SHANK1: variants seen among roughly 807,000 people sequenced by gnomAD.
SHANK1 encodes SH3 and multiple ankyrin repeat domains 1.
In SHANK1, 35 loss-of-function variants were observed where a neutral mutation model predicts 165.6. The observed-to-expected ratio is 0.21, with a 90% CI of 0.16 to 0.28. The LOEUF is 0.28. Among genes scored for constraint, SHANK1 ranks in the 10% least tolerant of loss-of-function variants. SHANK1 has a pLI of 1.00. For missense variants in SHANK1, 2,681 were observed against 3,036.4 expected (o/e 0.88, Z 2.75); for synonymous variants, 1,428 against 1,384.8 (o/e 1.03, Z -0.69).
chr19:50,686,262 C>T lies in SHANK1; in HGVS notation c.2552G>A (p.Arg851Gln), dbSNP rs757198942. The T allele has an allele frequency of 2.5e-6, 4 of 1,603,884 alleles. No individual in the cohort carries two copies. The highest frequency in any genetic ancestry group is 2.3e-5 in the East Asian group (1 of 44,248). Residue 851 changes from arginine (R) to glutamine (Q), a missense_variant, in exon 21 of 24, where the codon CGA becomes CAA. By Grantham distance (43) the Arg-to-Gln change is conservative (BLOSUM62 1). This residue lies in a region of SHANK1 where 206 missense variants were observed against 216.0 expected (regional missense o/e 0.95). Coordinates refer to ENST00000293441, the MANE Select transcript of SHANK1 (RefSeq NM_016148.5). The surrounding 1 kb of genome is among the most constrained non-coding windows in gnomAD (Gnocchi z 5.7). The part of the protein sequence containing the change: ...PGGLASLGKH[R>Q]PKGFFATESS... Reference sequence around the variant, plus strand: ...CTCAGTGGCAAAGAAACCTTTGGGTCGGTGTTTGCCCAGGGACGCGAGGCC... The same window carrying T: ...CTCAGTGGCAAAGAAACCTTTGGGTTGGTGTTTGCCCAGGGACGCGAGGCC...
In SHANK1 at chr19:50,669,300, A is replaced by T; in HGVS notation, c.2675-15T>A. 6.3e-7 allele frequency: 1 copy of T among 1,579,740 alleles called. No individual in the cohort carries two copies. The highest frequency in any genetic ancestry group is 8.7e-7 in the Non-Finnish European group (1 of 1,155,180). ...TTCTGCCGCACCTGGGGAGATACAG[A>T]GGCTCAAGGAGGGGGACCCTGGCGG... On this transcript the variant is annotated splice_polypyrimidine_tract_variant and intron_variant, in intron 22 of 23. Coordinates refer to ENST00000293441, the MANE Select transcript of SHANK1 (RefSeq NM_016148.5).
At position 50,688,098 on chromosome 19, in the gene SHANK1, G is replaced by A. The variant is rs548208477; in HGVS notation, c.2173-40C>T. 11 of 1,610,922 alleles carry A rather than the reference G, an allele frequency of 6.8e-6. No homozygotes were observed. In the African/African-American group the frequency reaches 8.0e-5, roughly 12 times the overall value. On this transcript the variant is annotated intron_variant, in intron 17 of 23. Coordinates refer to ENST00000293441, the MANE Select transcript of SHANK1 (RefSeq NM_016148.5). This position sits in a 1 kb window ranked among gnomAD's most constrained non-coding sequence, Gnocchi z 6.7. ...CCCCCAGATCACACAGAGTAGACGA[G>A]GGGAGGGGTGCTTGCAGCTTCAGAG...
intron 7 of SHANK1, 139 bp from the exon 8 acceptor site, chr19:50,711,626 C>T (rs941696428): frequency 1.0e-5 from 7 of 699,060 alleles, no homozygotes; most frequent in African/African-American, 7.1e-5. Flanking sequence ...CTTTTAGCCC[C>T]GCTTCCTGCT....
At chr19:50,684,480 C>T (rs1035835964) in intron 21 of SHANK1, among the ~76,000 whole-genome samples, 2 of 152,190 alleles carry the variant, frequency 1.3e-5, no homozygotes, top group African/African-American at 4.8e-5. Context: ...CCCACTTCAG[C>T]CTCCCAAAGT....
Position 50,702,657 on chromosome 19 carries a change from G to T in SHANK1, c.1557C>A (p.Ser519=). The T allele has an allele frequency of 6.4e-7, 1 of 1,565,558 alleles. No individual in the cohort carries two copies. Among genetic ancestry groups the T allele is most frequent in the Non-Finnish European group, 8.6e-7 (1 of 1,157,204 alleles). ...CTGGCCCTTCCCGGGGTGTCCCGCT[G>T]GAGCTGCGTACACAGAGGGCATGAG... ...AKRQPRGRPS[S]SGTPREGPAG... The change falls in exon 12 of 24, where the codon TCC becomes TCA. Residue 519 remains serine (S), a synonymous_variant. Transcript: ENST00000293441. The surrounding 1 kb of genome is among the most constrained non-coding windows in gnomAD (Gnocchi z 5.3).
chr19:50,686,727 G>T lies in SHANK1; in HGVS notation c.2458+17C>A. On this transcript the variant is annotated intron_variant, in intron 20 of 23. Transcript: ENST00000293441. The surrounding 1 kb of genome is among the most constrained non-coding windows in gnomAD (Gnocchi z 5.7). ...CTGGGGCCCGGCATCCCGAGGAGCAGGGCTGGGCCGTCTTACTGAGAGCCA... is the reference window on the plus strand; with the variant it reads ...CTGGGGCCCGGCATCCCGAGGAGCATGGCTGGGCCGTCTTACTGAGAGCCA... The T allele has an allele frequency of 6.2e-7, 1 of 1,612,824 alleles. No homozygotes were observed. Among genetic ancestry groups the T allele is most frequent in the Non-Finnish European group, 8.5e-7 (1 of 1,179,130 alleles).
chr19:50,672,144 G>A (rs1169180541), intron 21 of SHANK1, 30 bp from the exon 22 acceptor site: 3 of 1,556,478 alleles, frequency 1.9e-6, no homozygotes, highest in Non-Finnish European at 2.6e-6. Flanking sequence ...GGGGGAGAGA[G>A]AGAAAAGATA....
chr19:50,692,933 C>A (rs1338594187), intron 15 of SHANK1, among the ~76,000 whole-genome samples: 1 of 149,962 alleles, frequency 6.7e-6, no homozygotes, highest in Non-Finnish European at 1.5e-5. Flanking sequence ...CCTCTGTGAC[C>A]TCCTCACCCT....
chr19:50,669,384 G>A (rs1985708487), intron 22 of SHANK1, 99 bp from the exon 23 acceptor site: 4 of 794,944 alleles, frequency 5.0e-6, no homozygotes, highest in South Asian at 3.3e-5. Context: ...GACAAGAATG[G>A]CACCCCGTAT....
rs1209973916 is a variant in SHANK1, at chr19:50,686,912, G to A, written c.2390-100C>T. ...GGCCAGCAGGTGCGGGCCAGTGGGCGTGGCGGGCGCGAGAGGGGCAGTGAG... is the reference window on the plus strand; with the variant it reads ...GGCCAGCAGGTGCGGGCCAGTGGGCATGGCGGGCGCGAGAGGGGCAGTGAG... On this transcript the variant is annotated intron_variant, in intron 19 of 23. Transcript: ENST00000293441. The surrounding 1 kb of genome is among the most constrained non-coding windows in gnomAD (Gnocchi z 5.7). The A allele has an allele frequency of 6.9e-7, 1 of 1,453,140 alleles. No homozygotes were observed. The highest frequency in any genetic ancestry group is 9.3e-7 in the Non-Finnish European group (1 of 1,078,678). 90.0% of individuals were successfully genotyped at this position (1,453,140 alleles called of 1,614,324 possible).
intron 1 of SHANK1, among the ~76,000 whole-genome samples, chr19:50,719,015 A>G (rs2089101708): frequency 7.7e-6 from 1 of 129,696 alleles, no homozygotes; most frequent in South Asian, 2.5e-4. Context: ...GCTGGAGGGG[A>G]GTGGGGACCA....
intron 18 of SHANK1, 39 bp from the exon 19 acceptor site, chr19:50,687,701 G>A (rs756881744): frequency 6.9e-7 from 1 of 1,441,394 alleles, no homozygotes; most frequent in Non-Finnish European, 9.2e-7. Context: ...TATCATGGGG[G>A]AGATGCCCCC....
At position 50,667,385 on chromosome 19, in the gene SHANK1, C is replaced by G. The variant is rs1251288041; in HGVS notation, c.4575G>C (p.Arg1525=). Residue 1525 remains arginine, a synonymous_variant, in exon 23 of 24, where the codon CGG becomes CGC. Transcript: ENST00000293441. The surrounding 1 kb of genome is among the most constrained non-coding windows in gnomAD (Gnocchi z 5.7). ...GGGAGGTCGGGGAGGGGGGCACGGA[C>G]CGGCGTGGGCTGGGCGGCGGGACCC... The part of the protein sequence containing the change: ...GPGVPPPSPR[R]SVPPSPTSPR... 4.6e-6 allele frequency: 7 copies of G among 1,525,594 alleles called. No homozygotes were observed. The East Asian group carries it at 1.6e-4, about 35-fold the overall frequency. The allele number at this position is 1,525,594 out of a possible 1,614,324, so 94.5% of individuals were successfully genotyped here. A position where few individuals can be genotyped will look rare whatever the true frequency, so the allele number is the denominator to read the frequency against.
At position 50,713,716 on chromosome 19, in the gene SHANK1, C is replaced by G; in HGVS notation, c.792+82G>C. 1 of 1,562,230 alleles carries G rather than the reference C, an allele frequency of 6.4e-7. No individual in the cohort carries two copies. The highest frequency in any genetic ancestry group is 8.7e-7 in the Non-Finnish European group (1 of 1,148,424). ...GAGAGGGCCTATTTTTAACTGAAAC[C>G]AAAGAACTGAGGTTTGAGAAAGAAC... On this transcript the variant is annotated intron_variant, in intron 6 of 23. Coordinates refer to ENST00000293441, the MANE Select transcript of SHANK1 (RefSeq NM_016148.5). The surrounding 1 kb of genome is among the most constrained non-coding windows in gnomAD (Gnocchi z 6.2).
rs1348338568 is a variant in SHANK1 at position 50,661,029 on chromosome 19, C to T, written c.*936G>A. Reference sequence around the variant, plus strand: ...TTTTTAAGAATAAGAAGGGAAAGTGCTTCAACGTAAGAAAATGGAGGTAAG... The same window carrying T: ...TTTTTAAGAATAAGAAGGGAAAGTGTTTCAACGTAAGAAAATGGAGGTAAG... On this transcript the variant is annotated 3_prime_UTR_variant, in exon 24 of 24. Coordinates refer to ENST00000293441, the MANE Select transcript of SHANK1 (RefSeq NM_016148.5). Among the ~76,000 whole-genome samples, 2 of 151,770 alleles carry T rather than the reference C, an allele frequency of 1.3e-5. No homozygotes were observed. The highest frequency in any genetic ancestry group is 2.4e-5 in the African/African-American group (1 of 41,280).
intron 23 of SHANK1, among the ~76,000 whole-genome samples, chr19:50,663,902 A>G (rs1196157318): frequency 6.9e-6 from 1 of 145,522 alleles, no homozygotes; most frequent in Non-Finnish European, 1.5e-5. Context: ...CTCTAATAAT[A>G]TACACTTCCT....
In SHANK1 at chr19:50,687,528, C is replaced by T; in HGVS notation, c.2389+54G>A. The T allele has an allele frequency of 2.9e-6, 4 of 1,393,656 alleles. 1 individual carries two copies. The highest frequency in any genetic ancestry group is 1.8e-4 in the Middle Eastern group (1 of 5,572). The allele number at this position is 1,393,656 out of a possible 1,614,324, so 86.3% of individuals were successfully genotyped here. A position where few individuals can be genotyped will look rare whatever the true frequency, so the allele number is the denominator to read the frequency against. On this transcript the variant is annotated intron_variant, in intron 19 of 23. Coordinates refer to ENST00000293441, the MANE Select transcript of SHANK1 (RefSeq NM_016148.5). ...CTAACGAACTCAAGGGATGGTCCAG[C>T]CCTCCTTCCCCTCTCCCCCCGGCCC...
At chr19:50,711,800 C>T in intron 7 of SHANK1, 147 bp downstream of exon 7, 2 of 971,480 alleles carry the variant, frequency 2.1e-6, no homozygotes, top group African/African-American at 1.6e-5. Context: ...TCTGCCTTCA[C>T]CCCCACCATT....
Position 50,668,958 on chromosome 19 carries a change from G to C in SHANK1, c.3002C>G (p.Pro1001Arg). Residue 1001 changes from proline (P) to arginine (R), a missense_variant, in exon 23 of 24, where the codon CCC becomes CGC. Transcript: ENST00000293441. Reference sequence around the variant, plus strand: ...CGGGGCGTGGTGGTGGTGGTGGTGGGGCGGGTGGTGGTGGGCCGGGGGCAG... The same window carrying C: ...CGGGGCGTGGTGGTGGTGGTGGTGGCGCGGGTGGTGGTGGGCCGGGGGCAG... Reference protein sequence around the residue: ...GPLPPAHHHPPHHHHHHAPPP... With the variant: ...GPLPPAHHHPRHHHHHHAPPP... 1 of 587,934 alleles carries C rather than the reference G, an allele frequency of 1.7e-6. No individual in the cohort carries two copies. 36.4% of individuals were successfully genotyped at this position (587,934 alleles called of 1,614,324 possible).
Sources: allele counts gnomAD v4.1 joint callset (sites outside exome capture counted in the v4.1 genomes callset), GRCh38; gene constraint gnomAD v4.1.1; regional missense constraint gnomAD v4.1.1; non-coding constraint Gnocchi (gnomAD v3.1); transcripts MANE v1.5; gene names NCBI Gene and HGNC (gene_info 2026-07-23, HGNC 2026-07-21).